The following ADARB2 variants were observed in gnomAD, a reference collection of about 807,000 sequenced individuals.
ADARB2 encodes the protein adenosine deaminase RNA specific B2 (inactive).
In ADARB2, 25 loss-of-function variants were observed where a neutral mutation model predicts 62.2. That is an observed-to-expected ratio of 0.40 (90% CI 0.29 to 0.56). The LOEUF is 0.56. Among genes scored for constraint, ADARB2 ranks in the 20% least tolerant of loss-of-function variants. The pLI, the probability that ADARB2 is intolerant of heterozygous loss-of-function variation, is 0.43. For synonymous variants in ADARB2, 572 were observed against 500.8 expected (o/e 1.14, Z -1.90); for missense variants, 1,071 against 1,077.4 (o/e 0.99, Z 0.08).
intron 1 of ADARB2, among the ~76,000 whole-genome samples, chr10:1,545,505 G>A (rs758357322): frequency 2.6e-5 from 4 of 152,126 alleles, no homozygotes; most frequent in African/African-American, 9.7e-5. Context: ...GAGCTCCCGC[G>A]GGCAGTGACC....
chr10:1,505,596 C>A (rs1015860015), intron 1 of ADARB2, among the ~76,000 whole-genome samples: 1 of 152,174 alleles, frequency 6.6e-6, no homozygotes, highest in Non-Finnish European at 1.5e-5. Context: ...CATGCCCCAG[C>A]CAGGCGCGTC....
chr10:1,266,440 G>C (rs915451709), intron 4 of ADARB2, among the ~76,000 whole-genome samples: 2 of 151,898 alleles, frequency 1.3e-5, no homozygotes, highest in South Asian at 4.1e-4. Context: ...CACCCTACAG[G>C]GAGGAAAGGA....
At chr10:1,480,219 G>T (rs1252264209) in intron 1 of ADARB2, among the ~76,000 whole-genome samples, 5 of 152,128 alleles carry the variant, frequency 3.3e-5, no homozygotes, top group African/African-American at 1.2e-4. Context: ...GAAGTAAAAG[G>T]CATCCTACTT....
intron 7 of ADARB2, among the ~76,000 whole-genome samples, chr10:1,203,145 GAAAA>G (rs536991032): frequency 6.6e-6 from 1 of 151,792 alleles, no homozygotes; most frequent in East Asian, 1.9e-4. Context: ...AATGTTGACA[GAAAA>G]AAAACCCATG....
At chr10:1,476,912 A>G (rs77058466) in intron 1 of ADARB2, among the ~76,000 whole-genome samples, 5,695 of 152,186 alleles carry the variant, frequency 0.037, 139 homozygotes, top group Non-Finnish European at 0.058. Context: ...TGATATTCAC[A>G]TGCTCGGGAA....
At chr10:1,466,375 A>G (rs984548848) in intron 1 of ADARB2, among the ~76,000 whole-genome samples, 1 of 152,214 alleles carries the variant, frequency 6.6e-6, no homozygotes, top group Non-Finnish European at 1.5e-5. Flanking sequence ...ATGTTAGGGA[A>G]ATTTGAGTAG....
chr10:1,668,829 C>T (rs1283826276), intron 1 of ADARB2, among the ~76,000 whole-genome samples: 1 of 152,236 alleles, frequency 6.6e-6, no homozygotes, highest in Non-Finnish European at 1.5e-5. Flanking sequence ...AAACAGTCCT[C>T]CCGTTGTGCT....
At chr10:1,621,515 G>A (rs542713453) in intron 1 of ADARB2, among the ~76,000 whole-genome samples, 30 of 151,636 alleles carry the variant, frequency 2.0e-4, no homozygotes, top group African/African-American at 6.5e-4. Flanking sequence ...TCCCAGGCTC[G>A]AGTGGTTCTC....
rs572949580 is a variant in ADARB2 at position 1,671,503 on chromosome 10, T to C, written c.100+65548A>G. On this transcript the variant is annotated intron_variant, in intron 1 of 9. Coordinates refer to ENST00000381312, the MANE Select transcript of ADARB2 (RefSeq NM_018702.4). Reference sequence around the variant, plus strand: ...GCTTTGCTGCTTCTGGTAACATGCATTTGCCTGCAGGCTCAGGGCACGTGG... The same window carrying C: ...GCTTTGCTGCTTCTGGTAACATGCACTTGCCTGCAGGCTCAGGGCACGTGG... Among the ~76,000 whole-genome samples, 22 of 152,250 alleles carry C rather than the reference T, an allele frequency of 1.4e-4. 1 individual carries two copies. The South Asian group carries it at 4.6e-3, about 32-fold the overall frequency.
chr10:1,286,121 G>A (rs531785248), intron 3 of ADARB2, among the ~76,000 whole-genome samples: 1 of 152,244 alleles, frequency 6.6e-6, no homozygotes, highest in East Asian at 1.9e-4. Flanking sequence ...AGAGCCAAGA[G>A]GGGGCTTGGG....
chr10:1,459,048 C>T (rs1475665375), intron 1 of ADARB2, among the ~76,000 whole-genome samples: 1 of 152,130 alleles, frequency 6.6e-6, no homozygotes, highest in African/African-American at 2.4e-5. Flanking sequence ...ATAACAGATG[C>T]TGGTGAGGTT....
intron 3 of ADARB2, among the ~76,000 whole-genome samples, chr10:1,341,929 C>T (rs1167764936): frequency 6.6e-6 from 1 of 152,272 alleles, no homozygotes. Flanking sequence ...CGGAATGGGG[C>T]TCTTTTGTGA....
At position 1,330,368 on chromosome 10, in the gene ADARB2, C is replaced by T. The variant is rs551325877; in HGVS notation, c.1077+32660G>A. ...TTCTCTCCACATTTGCATGCTCACT[C>T]ATTTATAGAGGATCTATAAATCACT... On this transcript the variant is annotated intron_variant, in intron 3 of 9. Coordinates refer to ENST00000381312, the MANE Select transcript of ADARB2 (RefSeq NM_018702.4). 7.9e-5 allele frequency among the ~76,000 whole-genome samples: 12 copies of T among 152,308 alleles called. 1 individual carries two copies. In the South Asian group the frequency reaches 2.5e-3, roughly 32 times the overall value.
chr10:1,724,232 T>A (rs1261262115), intron 1 of ADARB2, among the ~76,000 whole-genome samples: 2 of 152,230 alleles, frequency 1.3e-5, no homozygotes, highest in African/African-American at 4.8e-5. Context: ...GGGCTTTTTC[T>A]GCTGCTGGCT....
At chr10:1,529,622 C>A (rs1268738446) in intron 1 of ADARB2, among the ~76,000 whole-genome samples, 1 of 152,196 alleles carries the variant, frequency 6.6e-6, no homozygotes, top group African/African-American at 2.4e-5. Context: ...TAAACATTTT[C>A]AAATCTCCCC....
intron 1 of ADARB2, among the ~76,000 whole-genome samples, chr10:1,699,072 T>G (rs1002499110): frequency 6.6e-6 from 1 of 152,262 alleles, no homozygotes; most frequent in African/African-American, 2.4e-5. Flanking sequence ...CAAATGACTT[T>G]TTTTAAACCT....
intron 1 of ADARB2, among the ~76,000 whole-genome samples, chr10:1,613,503 CAG>C (rs1470199652): frequency 2.0e-5 from 3 of 152,252 alleles, no homozygotes; most frequent in South Asian, 2.1e-4. Context: ...GGTAACTGTG[CAG>C]AGTTTCCAGC....
In ADARB2 at chr10:1,327,216, G is replaced by GCGCC. The variant is rs1453160763; in HGVS notation, c.1077+35811_1077+35812insGGCG. Among the ~76,000 whole-genome samples the GCGCC allele has an allele frequency of 9.5e-5, 11 of 116,292 alleles. No individual in the cohort carries two copies. In the South Asian group the frequency reaches 1.4e-3, roughly 15 times the overall value. 76.3% of individuals were successfully genotyped at this position (116,292 alleles called of 152,430 possible). On this transcript the variant is annotated intron_variant, in intron 3 of 9. Transcript: ENST00000381312. ...CCCCAAGGCACAGCGCCTCCTCACA[G>GCGCC]TTCAGCGCCTCCCCACGGCACAGCA...
At chr10:1,499,137 A>T (rs1034862131) in intron 1 of ADARB2, among the ~76,000 whole-genome samples, 2 of 151,036 alleles carry the variant, frequency 1.3e-5, no homozygotes, top group African/African-American at 4.9e-5. Flanking sequence ...ATCACTCATC[A>T]CTCACTCATT....
Sources: gnomAD v4.1 joint callset for allele counts (sites outside exome capture counted in the v4.1 genomes callset) on GRCh38, gnomAD v4.1.1 for gene constraint, MANE v1.5 for transcripts, NCBI Gene and HGNC (gene_info 2026-07-23, HGNC 2026-07-21) for gene names.